TCF7L1: variants seen among roughly 807,000 people sequenced by gnomAD.
TCF7L1 encodes the protein transcription factor 7-like 1.
A neutral mutation model predicts 63.7 loss-of-function variants in TCF7L1; 18 were observed. That is an observed-to-expected ratio of 0.28 (90% confidence interval 0.20 to 0.42). The LOEUF (loss-of-function observed/expected upper bound fraction) is 0.42, where lower values mean the gene tolerates loss of function less well. Ranked by LOEUF, TCF7L1 falls within the 10% of genes least tolerant of loss-of-function variation. The pLI, the probability that TCF7L1 is intolerant of heterozygous loss-of-function variation, is 1.00. For synonymous variants in TCF7L1, 355 were observed against 340.9 expected, an observed-to-expected ratio of 1.04 and a Z score of -0.46; for missense variants, 654 against 779.3, an observed-to-expected ratio of 0.84 and a Z score of 1.91.
chr2:85,145,756 C>A lies in TCF7L1; in HGVS notation c.441+11306C>A, dbSNP rs1226701757. 2.0e-5 allele frequency among the ~76,000 whole-genome samples: 3 copies of A among 152,374 alleles called. No individual in the cohort carries two copies. The East Asian group carries it at 5.8e-4, about 29-fold the overall frequency. The stretch of plus-strand genomic sequence containing the variant: ...GAAACAGGACTAGGGTCCAGCTGCA[C>A]TCTACAGTGGTAAAGCTTCATCTTC... On this transcript the variant is annotated intron_variant, in intron 3 of 11. Transcript: ENST00000282111.
chr2:85,186,381 T>G (rs1342106443), intron 3 of TCF7L1: 1 of 152,202 alleles, frequency 6.6e-6, no homozygotes, highest in Non-Finnish European at 1.5e-5. Context: ...CAGCGCTTCC[T>G]CTGAACACAT....
At chr2:85,298,582 C>T (rs966514425) in intron 4 of TCF7L1, among the ~76,000 whole-genome samples, 1 of 151,374 alleles carries the variant, frequency 6.6e-6, no homozygotes, top group African/African-American at 2.4e-5. Flanking sequence ...TAGAAACAGA[C>T]TGAAATAGAC....
chr2:85,299,422 G>A (rs558932513), intron 4 of TCF7L1, among the ~76,000 whole-genome samples: 1 of 151,848 alleles, frequency 6.6e-6, no homozygotes, highest in Admixed American at 6.6e-5. Flanking sequence ...CATGGTGGTG[G>A]GTGCCTGTAA....
intron 3 of TCF7L1, among the ~76,000 whole-genome samples, chr2:85,280,246 T>G (rs940962411): frequency 6.6e-6 from 1 of 152,046 alleles, no homozygotes; most frequent in African/African-American, 2.4e-5. Context: ...GCATCGGCAT[T>G]TAGTATTATA....
chr2:85,263,770 C>T (rs977403222), intron 3 of TCF7L1, among the ~76,000 whole-genome samples: 9 of 152,190 alleles, frequency 5.9e-5, no homozygotes, highest in Non-Finnish European at 1.0e-4. Flanking sequence ...GCGTGATCAC[C>T]GCGTGGGTGC....
At chr2:85,234,356 G>T (rs936705658) in intron 3 of TCF7L1, among the ~76,000 whole-genome samples, 1 of 151,742 alleles carries the variant, frequency 6.6e-6, no homozygotes. Flanking sequence ...GGATGGTCTC[G>T]ATCTCTTGAC....
chr2:85,224,257 A>G (rs929753709), intron 3 of TCF7L1, among the ~76,000 whole-genome samples: 2 of 152,208 alleles, frequency 1.3e-5, no homozygotes, highest in African/African-American at 2.4e-5. Flanking sequence ...ATACATGTGC[A>G]TATGTCTTTA....
chr2:85,217,137 GGCAAACTGACAGC>G (rs930544337), intron 3 of TCF7L1: 2 of 152,120 alleles, frequency 1.3e-5, no homozygotes, highest in African/African-American at 4.8e-5. Flanking sequence ...TCACCACATT[GGCAAACTGACAGC>G]GTCAACTTGA....
intron 4 of TCF7L1, among the ~76,000 whole-genome samples, chr2:85,299,860 AACACACACACACAC>A (rs61569778): frequency 0.02 from 1,832 of 92,762 alleles, 68 homozygotes; most frequent in African/African-American, 0.074. Flanking sequence ...CCTTGTCTCA[AACACACACACACAC>A]ACACACACAC....
rs141880665 is a variant in TCF7L1 at position 85,308,180 on chromosome 2, C to T, written c.1333+463C>T. Among the ~76,000 whole-genome samples the T allele has an allele frequency of 1.7e-3, 258 of 152,202 alleles. 2 individuals carry two copies. The highest frequency in any genetic ancestry group is 5.8e-3 in the African/African-American group (239 of 41,514). ...TTTAGGAGGCACTTTGTGTCAAAAC[C>T]ATGTATAAAATCTCTATATTACCAG... is the stretch of plus-strand genomic sequence containing the variant. On this transcript the variant is annotated intron_variant, in intron 11 of 11. Coordinates refer to ENST00000282111, the MANE Select transcript of TCF7L1 (RefSeq NM_031283.3).
chr2:85,133,525 G>A lies in TCF7L1; in HGVS notation c.-160G>A, dbSNP rs913604176. 26 of 163,078 alleles carry A rather than the reference G, an allele frequency of 1.6e-4. No individual in the cohort carries two copies. Among genetic ancestry groups the A allele is most frequent in the Non-Finnish European group, 2.3e-4 (18 of 79,736 alleles). 10.1% of individuals were successfully genotyped at this position (163,078 alleles called of 1,614,324 possible). Reference sequence around the variant, plus strand: ...GAGCCGCCTGCGCCCCGGCCGGGCAGCGCCGGGCCCGCTTCCCGCGGGGCC... The same window carrying A: ...GAGCCGCCTGCGCCCCGGCCGGGCAACGCCGGGCCCGCTTCCCGCGGGGCC... On this transcript the variant is annotated 5_prime_UTR_variant, in exon 1 of 12. Transcript: ENST00000282111. The surrounding 1 kb of genome is among the most constrained non-coding windows in gnomAD (Gnocchi z 4.4).
chr2:85,306,386 C>G lies in TCF7L1; in HGVS notation c.1149+21C>G, dbSNP rs373469043. On this transcript the variant is annotated intron_variant, in intron 9 of 11. Transcript: ENST00000282111. This position sits in a 1 kb window ranked among gnomAD's most constrained non-coding sequence, Gnocchi z 4.3. ...GAAAGGTAAGACCTGCCCTCTCCCT[C>G]CAGGCCAGGGAGGCAGCGTCCCTGC... The G allele has an allele frequency of 3.7e-6, 6 of 1,613,290 alleles. No homozygotes were observed. The highest frequency in any genetic ancestry group is 5.1e-6 in the Non-Finnish European group (6 of 1,179,262).
intron 3 of TCF7L1, among the ~76,000 whole-genome samples, chr2:85,172,971 C>T (rs1213831687): frequency 6.6e-6 from 1 of 152,236 alleles, no homozygotes; most frequent in East Asian, 1.9e-4. Flanking sequence ...GGCTTGTTCA[C>T]TGGTCTACCC....
intron 3 of TCF7L1, among the ~76,000 whole-genome samples, chr2:85,143,926 CT>C (rs1426197441): frequency 3.3e-5 from 5 of 152,168 alleles, no homozygotes; most frequent in Non-Finnish European, 7.3e-5. Context: ...GGTTAATGAC[CT>C]TTCGTGGGCT....
chr2:85,172,927 C>T (rs1678584774), intron 3 of TCF7L1, among the ~76,000 whole-genome samples: 1 of 152,170 alleles, frequency 6.6e-6, no homozygotes, highest in Admixed American at 6.5e-5. Flanking sequence ...TGGTCATTGC[C>T]CGTCTCCACT....
intron 3 of TCF7L1, among the ~76,000 whole-genome samples, chr2:85,266,016 A>G (rs1354690458): frequency 1.3e-5 from 2 of 152,194 alleles, no homozygotes; most frequent in African/African-American, 2.4e-5. Context: ...AGGATTCAAT[A>G]CATGTTTTTT....
Position 85,309,582 on chromosome 2 carries a change from G to T in TCF7L1, c.*120G>T. ...CCACTCTGGACTGTTCTGTAAAGTG[G>T]CTGGTAACAACAGCACTTTACAGTT... On this transcript the variant is annotated 3_prime_UTR_variant, in exon 12 of 12. Transcript: ENST00000282111. 1 of 1,040,808 alleles carries T rather than the reference G, an allele frequency of 9.6e-7. No individual in the cohort carries two copies. Among genetic ancestry groups the T allele is most frequent in the South Asian group, 2.3e-5 (1 of 43,446 alleles). 64.5% of individuals were successfully genotyped at this position (1,040,808 alleles called of 1,614,324 possible). A position where few individuals can be genotyped will look rare whatever the true frequency, so the allele number is the denominator to read the frequency against.
Position 85,305,314 on chromosome 2 carries a change from G to A in TCF7L1, c.900G>A (p.Leu300=), listed in dbSNP as rs779519848. 1.1e-5 allele frequency: 18 copies of A among 1,613,814 alleles called. No individual in the cohort carries two copies. In the Middle Eastern group the frequency reaches 4.9e-4, roughly 44 times the overall value. Residue 300 remains leucine, a synonymous_variant, in exon 8 of 12, where the codon CTG becomes CTA. Coordinates refer to ENST00000282111, the MANE Select transcript of TCF7L1 (RefSeq NM_031283.3). ...TGGTGGCTCCTGCCCACCCTGGCCT[G>A]CCCACCTCAGGGATCCCCCACCCTG... ...PHMVAPAHPG[L]PTSGIPHPAI...
chr2:85,190,933 CG>C (rs1286412253), intron 3 of TCF7L1, among the ~76,000 whole-genome samples: 4 of 152,222 alleles, frequency 2.6e-5, no homozygotes, highest in South Asian at 2.1e-4. Context: ...TCAGTGGAAA[CG>C]GGGGCTTAGG....
Sources: gnomAD v4.1 joint callset for allele counts (sites outside exome capture counted in the v4.1 genomes callset) on GRCh38, gnomAD v4.1.1 for gene constraint, Gnocchi (gnomAD v3.1) non-coding constraint, MANE v1.5 for transcripts, NCBI Gene and HGNC (gene_info 2026-07-23, HGNC 2026-07-21) for gene names.